LCOR: variants seen among roughly 807,000 people sequenced by gnomAD.
LCOR encodes ligand dependent nuclear receptor corepressor.
LCOR carries 14 observed loss-of-function variants against 64.4 expected under a neutral mutation model. The ratio of observed to expected loss-of-function variants is 0.22; its 90% CI spans 0.14 to 0.34. The LOEUF (loss-of-function observed/expected upper bound fraction) is 0.34. LCOR is among the 10% of genes least tolerant of loss of function. LCOR has a pLI of 1.00. For synonymous variants in LCOR, 643 were observed against 642.5 expected, an observed-to-expected ratio of 1.00 and a Z score of -0.01; for missense variants, 1,686 against 1,765.3, an observed-to-expected ratio of 0.96 and a Z score of 0.80.
Position 96,878,006 on chromosome 10 carries a change from A to G in LCOR, c.-329-29259A>G, listed in dbSNP as rs546297375. On this transcript the variant is annotated intron_variant, in intron 2 of 7. Coordinates refer to ENST00000421806, the MANE Select transcript of LCOR (RefSeq NM_001346516.2). Reference sequence around the variant, plus strand: ...AATAGTTAACAGTGGAAAGCTTTTCATTGAATAATTTAGTTAAGAAGAATG... The same window carrying G: ...AATAGTTAACAGTGGAAAGCTTTTCGTTGAATAATTTAGTTAAGAAGAATG... Among the ~76,000 whole-genome samples the G allele has an allele frequency of 3.5e-4, 54 of 152,332 alleles. 1 individual carries two copies. Among genetic ancestry groups the G allele is most frequent in the African/African-American group, 1.1e-3 (47 of 41,586 alleles).
intron 7 of LCOR, among the ~76,000 whole-genome samples, chr10:96,969,380 A>T (rs1192973433): frequency 1.3e-5 from 2 of 152,226 alleles, no homozygotes; most frequent in East Asian, 3.8e-4. Flanking sequence ...TAATCAAACC[A>T]TTAATTATTG....
At chr10:96,857,543 T>G (rs1315130651) in intron 2 of LCOR, among the ~76,000 whole-genome samples, 1 of 152,174 alleles carries the variant, frequency 6.6e-6, no homozygotes, top group Non-Finnish European at 1.5e-5. Context: ...CTCTTACTTC[T>G]CTCTCAGCTG....
At chr10:96,902,610 A>G (rs1367382973) in intron 2 of LCOR, among the ~76,000 whole-genome samples, 1 of 152,210 alleles carries the variant, frequency 6.6e-6, no homozygotes, top group Non-Finnish European at 1.5e-5. Context: ...GTGTTCTAAA[A>G]TTATTACCAC....
chr10:96,881,075 T>G (rs112405949), intron 2 of LCOR, among the ~76,000 whole-genome samples: 14 of 152,122 alleles, frequency 9.2e-5, no homozygotes, highest in African/African-American at 3.4e-4. Context: ...TAAGGGTGGT[T>G]TTTCGTGAAG....
At chr10:96,948,964 AG>A (rs1280545478) in intron 5 of LCOR, 43 bp from the exon 6 acceptor site, 2 of 1,392,722 alleles carry the variant, frequency 1.4e-6, no homozygotes, top group Admixed American at 2.2e-5. Context: ...TGTCTTTTTT[AG>A]TACATTGTCC....
chr10:96,936,746 A>C (rs1847356924), intron 4 of LCOR, among the ~76,000 whole-genome samples: 1 of 149,228 alleles, frequency 6.7e-6, no homozygotes, highest in African/African-American at 2.6e-5. Flanking sequence ...GTACCTGTGA[A>C]TGTGACCTTA....
intron 4 of LCOR, among the ~76,000 whole-genome samples, chr10:96,912,839 C>T (rs1037669547): frequency 2.6e-5 from 4 of 151,796 alleles, no homozygotes; most frequent in Admixed American, 6.6e-5. Flanking sequence ...ATTTCTTCTA[C>T]ATTTATGAGT....
chr10:96,888,601 A>T (rs1214395914), intron 2 of LCOR, among the ~76,000 whole-genome samples: 1 of 152,150 alleles, frequency 6.6e-6, no homozygotes, highest in Non-Finnish European at 1.5e-5. Flanking sequence ...AATGACCAGT[A>T]ATGATGTTAC....
Position 96,982,792 on chromosome 10 carries a change from G to A in LCOR, c.2332G>A (p.Gly778Ser), listed in dbSNP as rs766938086. The A allele has an allele frequency of 1.2e-5, 19 of 1,613,952 alleles. No homozygotes were observed. The South Asian group carries it at 1.4e-4, about 12-fold the overall frequency. The change falls in exon 8 of 8, where the codon GGT (glycine) becomes AGT (serine). Residue 778 changes from glycine to serine, a missense_variant. Physicochemically the swap from Gly to Ser is moderately conservative, Grantham distance 56. This residue lies in a region of LCOR where 1,293 missense variants were observed against 1,410.4 expected (regional missense o/e 0.92). Coordinates refer to ENST00000421806, the MANE Select transcript of LCOR (RefSeq NM_001346516.2). ...TATAGGAAAATTAGAGGGAGAGGAC[G>A]GTGATGTAAAATGCCTGTCAGAAAA... The part of the protein sequence containing the change: ...GGIGKLEGED[G>S]DVKCLSEKDT...
chr10:96,941,415 G>A (rs1847472390), intron 4 of LCOR, among the ~76,000 whole-genome samples: 1 of 144,296 alleles, frequency 6.9e-6, no homozygotes, highest in Admixed American at 6.8e-5. Context: ...GCAGGGGGCT[G>A]ACCCCCCACC....
In LCOR at chr10:96,991,654, T is replaced by G. The variant is rs117378452; in HGVS notation, c.*6520T>G. ...TGCCTGGTGTTTGCCTGTTTGACTT[T>G]CGAGTGCAGACCACACATTCTCTTA... On this transcript the variant is annotated 3_prime_UTR_variant, in exon 8 of 8. Transcript: ENST00000421806. 3.7e-4 allele frequency: 57 copies of G among 152,348 alleles called. 1 individual carries two copies. In the East Asian group the frequency reaches 0.011, roughly 28 times the overall value. The allele number at this position is 152,348 out of a possible 1,614,324, so 9.4% of individuals were successfully genotyped here. A position where few individuals can be genotyped will look rare whatever the true frequency, so the allele number is the denominator to read the frequency against.
chr10:96,894,545 C>G (rs1303311389), intron 2 of LCOR, among the ~76,000 whole-genome samples: 2 of 152,168 alleles, frequency 1.3e-5, no homozygotes, highest in Non-Finnish European at 2.9e-5. Flanking sequence ...TTTTATTATG[C>G]AGGCAGTAGC....
At chr10:96,897,053 G>A (rs1846548877) in intron 2 of LCOR, among the ~76,000 whole-genome samples, 1 of 99,004 alleles carries the variant, frequency 1.0e-5, no homozygotes, top group East Asian at 2.2e-4. Flanking sequence ...CCCAAGGAAT[G>A]AGAGAGAGAG....
At chr10:96,868,828 T>C (rs73318676) in intron 2 of LCOR, among the ~76,000 whole-genome samples, 2,522 of 152,312 alleles carry the variant, frequency 0.017, 78 homozygotes, top group African/African-American at 0.058. Context: ...TTGTTTAGCA[T>C]TGTATCCTAG....
chr10:96,943,442 G>A (rs1589673313), intron 4 of LCOR, among the ~76,000 whole-genome samples: 1 of 152,192 alleles, frequency 6.6e-6, no homozygotes, highest in East Asian at 1.9e-4. Context: ...TAGATGTATT[G>A]TAACAAAAGA....
At position 96,993,594 on chromosome 10, in the gene LCOR, T is replaced by C. The variant is rs1848219291; in HGVS notation, c.*8460T>C. The C allele has an allele frequency of 6.6e-6, 1 of 152,064 alleles. No homozygotes were observed. Among genetic ancestry groups the C allele is most frequent in the Non-Finnish European group, 1.5e-5 (1 of 68,002 alleles). The allele number at this position is 152,064 out of a possible 1,614,324, so 9.4% of individuals were successfully genotyped here. A position where few individuals can be genotyped will look rare whatever the true frequency, so the allele number is the denominator to read the frequency against. On this transcript the variant is annotated 3_prime_UTR_variant, in exon 8 of 8. Coordinates refer to ENST00000421806, the MANE Select transcript of LCOR (RefSeq NM_001346516.2). ...GTTTGCATTGTAGTATTATAGAATA[T>C]ATTTTGAGCAGTGGACTTCCTTTCA... is the stretch of plus-strand genomic sequence containing the variant.
Position 96,994,809 on chromosome 10 carries a change from T to G in LCOR, c.*9675T>G, listed in dbSNP as rs1446827702. On this transcript the variant is annotated 3_prime_UTR_variant, in exon 8 of 8. Coordinates refer to ENST00000421806, the MANE Select transcript of LCOR (RefSeq NM_001346516.2). ...TCACTTAATCTCAATAGAAGCCTGCTGTTTACCCTCAGGGAACAAGTAGTT... is the reference window on the plus strand; with the variant it reads ...TCACTTAATCTCAATAGAAGCCTGCGGTTTACCCTCAGGGAACAAGTAGTT... 1.3e-5 allele frequency: 2 copies of G among 152,254 alleles called. No homozygotes were observed. Among genetic ancestry groups the G allele is most frequent in the African/African-American group, 4.8e-5 (2 of 41,470 alleles). The allele number at this position is 152,254 out of a possible 1,614,324, so 9.4% of individuals were successfully genotyped here. A position where few individuals can be genotyped will look rare whatever the true frequency, so the allele number is the denominator to read the frequency against.
chr10:96,877,646 C>T lies in LCOR; in HGVS notation c.-329-29619C>T, dbSNP rs1846191837. On this transcript the variant is annotated intron_variant, in intron 2 of 7. Coordinates refer to ENST00000421806, the MANE Select transcript of LCOR (RefSeq NM_001346516.2). ...TTTTTTTTTGAGACGGAGTCTCGCTCTGTCACCCACGCTGGAGTGCAGTGG... is the reference window on the plus strand; with the variant it reads ...TTTTTTTTTGAGACGGAGTCTCGCTTTGTCACCCACGCTGGAGTGCAGTGG... Among the ~76,000 whole-genome samples the T allele has an allele frequency of 3.8e-5, 4 of 106,174 alleles. No homozygotes were observed. In the Admixed American group the frequency reaches 6.3e-4, roughly 17 times the overall value. 69.7% of individuals were successfully genotyped at this position (106,174 alleles called of 152,430 possible).
chr10:96,970,619 ATTTTATTTAT>A (rs1260019565), intron 7 of LCOR, among the ~76,000 whole-genome samples: 2 of 144,162 alleles, frequency 1.4e-5, no homozygotes, highest in African/African-American at 5.4e-5. Flanking sequence ...ATTTTATTTT[ATTTTATTTAT>A]TTTATTTTAT....
Sources: gnomAD v4.1 joint callset for allele counts (sites outside exome capture counted in the v4.1 genomes callset) on GRCh38, gnomAD v4.1.1 for gene constraint, gnomAD v4.1.1 regional missense constraint, MANE v1.5 for transcripts, NCBI Gene and HGNC (gene_info 2026-07-23, HGNC 2026-07-21) for gene names.